Variants in PISD observed in about 807,000 individuals in gnomAD.
PISD encodes phosphatidylserine decarboxylase.
A neutral mutation model predicts 43.5 loss-of-function variants in PISD; 31 were observed. That is an observed-to-expected ratio of 0.71 (90% CI 0.54 to 0.96). PISD has a LOEUF of 0.96. PISD is among the 40% of genes least tolerant of loss of function. The probability of loss-of-function intolerance (pLI) is 0.00; values close to 1 mark genes in which losing one functional copy is unlikely to be tolerated. For missense variants in PISD, 523 were observed against 548.4 expected (o/e 0.95, Z 0.46); for synonymous variants, 259 against 228.7 (o/e 1.13, Z -1.20).
At chr22:31,645,997 C>T (rs923784759) in intron 3 of PISD, among the ~76,000 whole-genome samples, 1 of 151,270 alleles carries the variant, frequency 6.6e-6, no homozygotes, top group Admixed American at 6.6e-5. Flanking sequence ...AAATCCAAAA[C>T]ACTTCCAGTC....
chr22:31,652,507 T>C (rs940889442), intron 1 of PISD, among the ~76,000 whole-genome samples: 1 of 151,900 alleles, frequency 6.6e-6, no homozygotes, highest in East Asian at 1.9e-4. Flanking sequence ...AAAATTTCCT[T>C]GCCTTACAAA....
chr22:31,648,106 A>G lies in PISD; in HGVS notation c.316T>C (p.Trp106Arg). The G allele has an allele frequency of 6.2e-7, 1 of 1,610,946 alleles. No individual in the cohort carries two copies. ...CAGTTCCACCTCATTCCTACCTCCC[A>G]GTGACCAGCAAGTTTGGGTGGAATC... ...LEIPPKLAGH[W>R]EVALYKSVPT... The change falls in exon 3 of 8, where the codon TGG (tryptophan) becomes CGG (arginine). Residue 106 changes from tryptophan to arginine, a missense_variant. Transcript: ENST00000439502.
At chr22:31,621,511 G>A (rs1278825914) in intron 4 of PISD, 39 bp from the exon 5 acceptor site, 1 of 1,612,736 alleles carries the variant, frequency 6.2e-7, no homozygotes, top group African/African-American at 1.3e-5. Context: ...GGGAGAGCAG[G>A]GTCTCCTCCC....
intron 1 of PISD, among the ~76,000 whole-genome samples, chr22:31,654,087 G>A (rs2074104266): frequency 1.3e-5 from 2 of 152,096 alleles, no homozygotes; most frequent in South Asian, 4.2e-4. Context: ...GTCCCACTCA[G>A]TAAGGTTTTG....
chr22:31,659,848 C>CT (rs1289871777), intron 1 of PISD, among the ~76,000 whole-genome samples: 1 of 152,010 alleles, frequency 6.6e-6, no homozygotes, highest in Admixed American at 6.6e-5. Flanking sequence ...TCCCAAAGTG[C>CT]TGGGATTACA....
intron 3 of PISD, chr22:31,623,732 G>A (rs1341993011): frequency 6.2e-6 from 10 of 1,614,044 alleles, no homozygotes; most frequent in Admixed American, 5.0e-5. Flanking sequence ...TGAGGGCGCC[G>A]AAGGGCAGGA....
intron 1 of PISD, among the ~76,000 whole-genome samples, chr22:31,661,198 G>T (rs1422485323): frequency 6.6e-6 from 1 of 152,110 alleles, no homozygotes; most frequent in Non-Finnish European, 1.5e-5. Flanking sequence ...AAAGAGTGAC[G>T]CTTTCATAAC....
intron 1 of PISD, among the ~76,000 whole-genome samples, chr22:31,656,276 G>A (rs2147812468): frequency 6.6e-6 from 1 of 152,130 alleles, no homozygotes; most frequent in East Asian, 1.9e-4. Context: ...CCCAGGAGGT[G>A]GAGGTTGCAA....
chr22:31,648,666 CAAAAA>C (rs60346600), intron 2 of PISD, among the ~76,000 whole-genome samples: 1 of 84,712 alleles, frequency 1.2e-5, no homozygotes, highest in Non-Finnish European at 2.5e-5. Flanking sequence ...GACTCCATTT[CAAAAA>C]AAAAAAAAAA....
chr22:31,641,143 C>A (rs1287918275), intron 3 of PISD, among the ~76,000 whole-genome samples: 1 of 152,060 alleles, frequency 6.6e-6, no homozygotes, highest in Non-Finnish European at 1.5e-5. Context: ...ACCTCGACAT[C>A]ATGCTCAACT....
At chr22:31,648,024 C>A in intron 3 of PISD, 77 bp downstream of exon 3, 2 of 1,309,444 alleles carry the variant, frequency 1.5e-6, no homozygotes, top group Middle Eastern at 2.7e-4. Flanking sequence ...TCAAACATTT[C>A]AACTTTGGAA....
chr22:31,637,157 AAAAAAAAAT>A (rs1391157853), intron 3 of PISD, among the ~76,000 whole-genome samples: 36 of 36,946 alleles, frequency 9.7e-4, no homozygotes, highest in East Asian at 4.3e-3. Flanking sequence ...AAAAAAAAAA[AAAAAAAAAT>A]ATATATATAT....
chr22:31,624,897 C>T (rs1248454086), intron 3 of PISD, among the ~76,000 whole-genome samples: 3 of 152,182 alleles, frequency 2.0e-5, no homozygotes, highest in African/African-American at 7.2e-5. Context: ...CCACCACAAC[C>T]CTGGCCTCCT....
intron 1 of PISD, among the ~76,000 whole-genome samples, chr22:31,659,421 T>C (rs780689170): frequency 2.6e-5 from 4 of 152,158 alleles, no homozygotes; most frequent in African/African-American, 9.7e-5. Context: ...TGGTTTGCAG[T>C]GGTAGGGATG....
Position 31,619,585 on chromosome 22 carries a change from TTAGCAGCCA to T in PISD, c.*18_*26del, listed in dbSNP as rs2072364214. ...CCTCACTCTGTTTGGAAAAGATCCC[TTAGCAGCCA>T]TAATCAGGAAAGAGACTCTAGAGCG... On this transcript the variant is annotated 3_prime_UTR_variant, in exon 8 of 8. Coordinates refer to ENST00000439502, the MANE Select transcript of PISD (RefSeq NM_001326411.2). 29 of 1,581,358 alleles carry T rather than the reference TTAGCAGCCA, an allele frequency of 1.8e-5. No homozygotes were observed. Among genetic ancestry groups the T allele is most frequent in the Non-Finnish European group, 2.3e-5 (26 of 1,150,846 alleles).
intron 1 of PISD, among the ~76,000 whole-genome samples, chr22:31,661,884 T>G (rs917716425): frequency 2.6e-5 from 4 of 152,114 alleles, no homozygotes; most frequent in Admixed American, 2.6e-4. Context: ...AGGTAGCCTA[T>G]TTCATCTGAT....
intron 3 of PISD, among the ~76,000 whole-genome samples, chr22:31,645,016 G>A (rs561645468): frequency 2.0e-5 from 3 of 152,248 alleles, no homozygotes; most frequent in African/African-American, 7.2e-5. Context: ...CAGCTACTTG[G>A]GAGGCTGAGG....
At chr22:31,633,716 A>C (rs572385424) in intron 3 of PISD, among the ~76,000 whole-genome samples, 2 of 151,806 alleles carry the variant, frequency 1.3e-5, no homozygotes, top group Non-Finnish European at 2.9e-5. Context: ...CTCGTCTCAA[A>C]AAACAAACAA....
At position 31,637,405 on chromosome 22, in the gene PISD, A is replaced by T. The variant is rs556484167; in HGVS notation, c.321+10696T>A. ...TTTTTGTTTGTTTTTGTTTTTTTTT[A>T]AAAGAGGTTACATATTTACCATTAA... On this transcript the variant is annotated intron_variant, in intron 3 of 7. Transcript: ENST00000439502. Among the ~76,000 whole-genome samples the T allele has an allele frequency of 1.8e-3, 278 of 150,870 alleles. 1 individual carries two copies. The East Asian group carries it at 0.032, about 17-fold the overall frequency.
Sources: allele counts gnomAD v4.1 joint callset (sites outside exome capture counted in the v4.1 genomes callset), GRCh38; gene constraint gnomAD v4.1.1; transcripts MANE v1.5; gene names NCBI Gene and HGNC (gene_info 2026-07-23, HGNC 2026-07-21).